BRINP2: variants seen among roughly 807,000 people sequenced by gnomAD.
BRINP2 encodes BMP/retinoic acid inducible neural specific 2.
In BRINP2, 21 loss-of-function variants were observed where a neutral mutation model predicts 69.2. The ratio of observed to expected loss-of-function variants is 0.30; its 90% CI spans 0.22 to 0.44. The LOEUF is 0.44. Among genes scored for constraint, BRINP2 ranks in the 20% least tolerant of loss-of-function variants. The pLI, the probability that BRINP2 is intolerant of heterozygous loss-of-function variation, is 1.00. For missense variants in BRINP2, 877 were observed against 986.0 expected (o/e 0.89, Z 1.48); for synonymous variants, 380 against 394.1 (o/e 0.96, Z 0.42).
intron 1 of BRINP2, among the ~76,000 whole-genome samples, chr1:177,216,730 C>T (rs1009701473): frequency 6.6e-6 from 1 of 150,860 alleles, no homozygotes; most frequent in African/African-American, 2.4e-5. Flanking sequence ...TTTATTTCTC[C>T]CTCATTTCTG....
chr1:177,202,029 G>A (rs1348366870), intron 1 of BRINP2, among the ~76,000 whole-genome samples: 1 of 152,194 alleles, frequency 6.6e-6, no homozygotes, highest in Non-Finnish European at 1.5e-5. Flanking sequence ...TTGTATTTCT[G>A]TGGGATCGGT....
intron 1 of BRINP2, among the ~76,000 whole-genome samples, chr1:177,176,751 A>C (rs1030639617): frequency 6.8e-6 from 1 of 146,204 alleles, no homozygotes; most frequent in Non-Finnish European, 1.5e-5. Context: ...AGCATACACC[A>C]ACCTATATTT....
chr1:177,181,745 G>C (rs1571883090), intron 1 of BRINP2, among the ~76,000 whole-genome samples: 2 of 152,158 alleles, frequency 1.3e-5, no homozygotes, highest in African/African-American at 4.8e-5. Flanking sequence ...GTCTTGGGAG[G>C]CGCCCTGCAC....
Position 177,280,738 on chromosome 1 carries a change from A to G in BRINP2, c.1562A>G (p.Gln521Arg), listed in dbSNP as rs1436793644. Reference sequence around the variant, plus strand: ...GAGCTAAAGTACCTGCTGCAGAAGCAGGATAGCCGCATTGAGGTACACTCC... The same window carrying G: ...GAGCTAAAGTACCTGCTGCAGAAGCGGGATAGCCGCATTGAGGTACACTCC... ...DLELKYLLQK[Q>R]DSRIEVHSIF... Residue 521 changes from glutamine to arginine, a missense_variant, in exon 8 of 8, where the codon CAG (glutamine) becomes CGG (arginine). Around this residue, in one of 3 missense-constraint regions of BRINP2, gnomAD observed 86 missense variants for 142.1 expected, o/e 0.61. Transcript: ENST00000361539. 6.2e-7 allele frequency: 1 copy of G among 1,614,114 alleles called. No homozygotes were observed. The highest frequency in any genetic ancestry group is 1.7e-5 in the Admixed American group (1 of 60,004).
At chr1:177,188,648 C>G (rs1648501057) in intron 1 of BRINP2, among the ~76,000 whole-genome samples, 1 of 152,130 alleles carries the variant, frequency 6.6e-6, no homozygotes. Context: ...CCCCATGACA[C>G]TCTTTGATAT....
intron 1 of BRINP2, among the ~76,000 whole-genome samples, chr1:177,198,127 G>A (rs1239437084): frequency 6.6e-6 from 1 of 152,124 alleles, no homozygotes; most frequent in African/African-American, 2.4e-5. Context: ...GGTCATAAAA[G>A]TTTGAGTCTA....
intron 1 of BRINP2, among the ~76,000 whole-genome samples, chr1:177,182,864 A>G (rs1027895751): frequency 6.6e-6 from 1 of 152,172 alleles, no homozygotes; most frequent in East Asian, 1.9e-4. Context: ...AATAATGCAG[A>G]ATTAGTACTC....
At chr1:177,189,099 A>G (rs1400887090) in intron 1 of BRINP2, among the ~76,000 whole-genome samples, 1 of 152,194 alleles carries the variant, frequency 6.6e-6, no homozygotes, top group Non-Finnish European at 1.5e-5. Context: ...TGCAGTCATA[A>G]CTATGATAAA....
intron 2 of BRINP2, among the ~76,000 whole-genome samples, chr1:177,248,048 G>A (rs1650441319): frequency 6.6e-6 from 1 of 152,098 alleles, no homozygotes; most frequent in Non-Finnish European, 1.5e-5. Context: ...AAATGGGCCG[G>A]AACATGCTTC....
chr1:177,251,059 AG>A (rs1650566515), intron 2 of BRINP2, among the ~76,000 whole-genome samples: 1 of 152,228 alleles, frequency 6.6e-6, no homozygotes, highest in African/African-American at 2.4e-5. Flanking sequence ...GCTCATAAAA[AG>A]CTTCCTTAGA....
At chr1:177,194,086 G>T (rs1648670320) in intron 1 of BRINP2, among the ~76,000 whole-genome samples, 1 of 152,168 alleles carries the variant, frequency 6.6e-6, no homozygotes, top group African/African-American at 2.4e-5. Flanking sequence ...GACATACAAA[G>T]ATGCTAATAT....
In BRINP2 at chr1:177,281,412, C is replaced by A; in HGVS notation, c.2236C>A (p.Arg746=). The change falls in exon 8 of 8, where the codon CGG becomes AGG. Residue 746 remains arginine, a synonymous_variant. Transcript: ENST00000361539. ...ACTTGACCTTTTCTCCTGCTTGCTC[C>A]GGCATCGGCTTAAGCTGGCCAACAA... The part of the protein sequence containing the change: ...VRLDLFSCLL[R]HRLKLANNEV... 6.2e-7 allele frequency: 1 copy of A among 1,614,114 alleles called. No individual in the cohort carries two copies. Among genetic ancestry groups the A allele is most frequent in the Middle Eastern group, 1.6e-4 (1 of 6,062 alleles).
At chr1:177,185,917 C>T (rs1174811138) in intron 1 of BRINP2, among the ~76,000 whole-genome samples, 4 of 152,172 alleles carry the variant, frequency 2.6e-5, no homozygotes, top group African/African-American at 4.8e-5. Flanking sequence ...GTCCCAATGC[C>T]GCAGGATACT....
chr1:177,218,910 C>A (rs552067985), intron 1 of BRINP2, among the ~76,000 whole-genome samples: 2 of 152,136 alleles, frequency 1.3e-5, no homozygotes, highest in Non-Finnish European at 2.9e-5. Flanking sequence ...CTTCTTCCAC[C>A]ATCTTGCTGA....
chr1:177,251,885 T>A (rs1650595285), intron 2 of BRINP2, among the ~76,000 whole-genome samples: 1 of 152,162 alleles, frequency 6.6e-6, no homozygotes, highest in East Asian at 1.9e-4. Context: ...TAATAATGTC[T>A]TTTTCCCCTA....
intron 1 of BRINP2, among the ~76,000 whole-genome samples, chr1:177,218,017 A>G (rs2102315917): frequency 6.6e-6 from 1 of 152,304 alleles, no homozygotes; most frequent in African/African-American, 2.4e-5. Context: ...GTAGAAATGC[A>G]TGACTGAGAT....
intron 2 of BRINP2, among the ~76,000 whole-genome samples, chr1:177,237,835 C>T (rs1650076128): frequency 6.6e-6 from 1 of 152,152 alleles, no homozygotes; most frequent in Non-Finnish European, 1.5e-5. Context: ...TGTCACGACA[C>T]AGGTGCAGGC....
At chr1:177,202,927 C>T (rs1376630193) in intron 1 of BRINP2, among the ~76,000 whole-genome samples, 2 of 152,122 alleles carry the variant, frequency 1.3e-5, no homozygotes, top group Non-Finnish European at 2.9e-5. Context: ...GGCAATTCCT[C>T]AGGGATCTAG....
chr1:177,263,886 T>C (rs576258624), intron 4 of BRINP2, among the ~76,000 whole-genome samples: 2 of 152,226 alleles, frequency 1.3e-5, no homozygotes, highest in African/African-American at 4.8e-5. Context: ...CCTGGTTAAA[T>C]CCAACTCTCC....
Sources: gnomAD v4.1 joint callset for allele counts (sites outside exome capture counted in the v4.1 genomes callset) on GRCh38, gnomAD v4.1.1 for gene constraint, gnomAD v4.1.1 regional missense constraint, MANE v1.5 for transcripts, NCBI Gene and HGNC (gene_info 2026-07-23, HGNC 2026-07-21) for gene names.